Variants in CSMD3 observed in about 807,000 individuals in gnomAD.
CSMD3 encodes CUB and Sushi multiple domains 3.
A neutral mutation model predicts 435.2 loss-of-function variants in CSMD3; 177 were observed. The observed-to-expected ratio is 0.41, with a 90% CI of 0.36 to 0.46. The LOEUF (loss-of-function observed/expected upper bound fraction) is 0.46, where lower values mean the gene tolerates loss of function less well. Among genes scored for constraint, CSMD3 ranks in the 20% least tolerant of loss-of-function variants. The pLI, the probability that CSMD3 is intolerant of heterozygous loss-of-function variation, is 0.34. For missense variants in CSMD3, 4,265 were observed against 4,504.6 expected (o/e 0.95, Z 1.52); for synonymous variants, 1,656 against 1,520.5 (o/e 1.09, Z -2.07).
intron 31 of CSMD3, among the ~76,000 whole-genome samples, chr8:112,485,485 A>G (rs1820035924): frequency 6.6e-6 from 1 of 152,134 alleles, no homozygotes; most frequent in African/African-American, 2.4e-5. Context: ...TGCATTGATA[A>G]TGGAATGAGA....
chr8:113,056,476 T>G (rs140796507), intron 5 of CSMD3, among the ~76,000 whole-genome samples: 1 of 152,242 alleles, frequency 6.6e-6, no homozygotes, highest in Non-Finnish European at 1.5e-5. Flanking sequence ...GTTTCTAATA[T>G]GTATCTCAAA....
Position 112,395,831 on chromosome 8 carries a change from A to G in CSMD3, c.5810-5043T>C, listed in dbSNP as rs74697985. 2.0e-3 allele frequency among the ~76,000 whole-genome samples: 297 copies of G among 152,306 alleles called. 1 individual carries two copies. Among genetic ancestry groups the G allele is most frequent in the African/African-American group, 6.7e-3 (277 of 41,574 alleles). On this transcript the variant is annotated intron_variant, in intron 35 of 70. Transcript: ENST00000297405. ...TGTAACAAGGTCAAATTTGGAAGAT[A>G]AAAACTCAGTCTTCAGCATAAGTTT...
At chr8:112,552,771 A>C in intron 25 of CSMD3, 51 bp from the exon 26 acceptor site, 1 of 1,549,504 alleles carries the variant, frequency 6.5e-7, no homozygotes, top group Non-Finnish European at 8.9e-7. Flanking sequence ...CAATCTTTTC[A>C]AAACAATCTA....
At chr8:112,442,742 G>T (rs1317355657) in intron 32 of CSMD3, among the ~76,000 whole-genome samples, 1 of 152,130 alleles carries the variant, frequency 6.6e-6, no homozygotes, top group Non-Finnish European at 1.5e-5. Flanking sequence ...GAGCAGAAAT[G>T]ATTGGTAAAA....
intron 45 of CSMD3, among the ~76,000 whole-genome samples, chr8:112,324,760 G>A (rs1386955489): frequency 8.6e-5 from 13 of 152,034 alleles, no homozygotes; most frequent in Admixed American, 8.5e-4. Flanking sequence ...TTAAGTTGGA[G>A]GGGAATGTGG....
intron 32 of CSMD3, among the ~76,000 whole-genome samples, chr8:112,436,171 T>C (rs557128728): frequency 4.6e-5 from 7 of 151,926 alleles, no homozygotes; most frequent in Non-Finnish European, 1.0e-4. Context: ...CTAAGAAATC[T>C]AAATTTTAAT....
chr8:112,483,576 C>G (rs1819836737), intron 31 of CSMD3, among the ~76,000 whole-genome samples: 1 of 152,078 alleles, frequency 6.6e-6, no homozygotes, highest in Non-Finnish European at 1.5e-5. Context: ...GAAATACAAA[C>G]TTGAACTGGA....
At chr8:113,202,720 T>G (rs1275933392) in intron 3 of CSMD3, among the ~76,000 whole-genome samples, 2 of 152,140 alleles carry the variant, frequency 1.3e-5, no homozygotes, top group Non-Finnish European at 2.9e-5. Flanking sequence ...ATGAATTATC[T>G]TTGGTTCAAA....
intron 28 of CSMD3, among the ~76,000 whole-genome samples, chr8:112,512,456 A>G (rs936072878): frequency 2.0e-5 from 3 of 152,200 alleles, no homozygotes; most frequent in African/African-American, 4.8e-5. Flanking sequence ...TTGAACAAGC[A>G]ATGGGTACAT....
chr8:113,146,850 G>C (rs1199727313), intron 4 of CSMD3, among the ~76,000 whole-genome samples: 1 of 151,484 alleles, frequency 6.6e-6, no homozygotes, highest in African/African-American at 2.4e-5. Context: ...GAAATACTGA[G>C]GTATAAGGAA....
chr8:112,911,042 C>T (rs904926385), intron 10 of CSMD3, among the ~76,000 whole-genome samples: 2 of 151,852 alleles, frequency 1.3e-5, no homozygotes, highest in Non-Finnish European at 2.9e-5. Flanking sequence ...CTTTCACAGG[C>T]TCAACTTCAT....
intron 4 of CSMD3, among the ~76,000 whole-genome samples, chr8:113,133,763 C>T (rs934972944): frequency 6.6e-6 from 1 of 151,924 alleles, no homozygotes; most frequent in Admixed American, 6.6e-5. Context: ...AGGAAGAAAA[C>T]CTTATCTCAC....
intron 10 of CSMD3, among the ~76,000 whole-genome samples, chr8:112,901,301 A>G (rs2082103381): frequency 6.6e-6 from 1 of 151,394 alleles, no homozygotes; most frequent in Non-Finnish European, 1.5e-5. Flanking sequence ...TAAATACAAC[A>G]TTAAAAGATC....
chr8:113,249,122 C>T (rs1018414159), intron 3 of CSMD3, among the ~76,000 whole-genome samples: 1 of 151,894 alleles, frequency 6.6e-6, no homozygotes, highest in African/African-American at 2.4e-5. Context: ...TGGGGAATTC[C>T]CCTGCACAAC....
intron 3 of CSMD3, among the ~76,000 whole-genome samples, chr8:113,199,732 T>G (rs1027732438): frequency 1.2e-4 from 18 of 151,716 alleles, no homozygotes; most frequent in African/African-American, 3.1e-4. Context: ...GGTGAATGAT[T>G]TTTTCCCATT....
chr8:113,387,344 C>T (rs1022786488), intron 1 of CSMD3, among the ~76,000 whole-genome samples: 1 of 151,664 alleles, frequency 6.6e-6, no homozygotes, highest in South Asian at 2.1e-4. Context: ...ATGACTTTTA[C>T]GAATACAGCA....
intron 4 of CSMD3, among the ~76,000 whole-genome samples, chr8:113,150,162 C>T (rs1478116648): frequency 6.6e-6 from 1 of 151,968 alleles, no homozygotes; most frequent in Non-Finnish European, 1.5e-5. Context: ...GTATAATCCA[C>T]TCCTTGAGTG....
At chr8:112,457,072 C>T (rs2130646179) in intron 32 of CSMD3, among the ~76,000 whole-genome samples, 1 of 152,070 alleles carries the variant, frequency 6.6e-6, no homozygotes, top group East Asian at 1.9e-4. Flanking sequence ...CTCCCTCTAC[C>T]CACAGAACCT....
At chr8:113,075,456 A>C (rs1380832411) in intron 5 of CSMD3, among the ~76,000 whole-genome samples, 1 of 151,840 alleles carries the variant, frequency 6.6e-6, no homozygotes, top group Non-Finnish European at 1.5e-5. Flanking sequence ...GATCCTTCTT[A>C]CATTACCTAT....
Sources: allele counts gnomAD v4.1 joint callset (sites outside exome capture counted in the v4.1 genomes callset), GRCh38; gene constraint gnomAD v4.1.1; transcripts MANE v1.5; gene names NCBI Gene and HGNC (gene_info 2026-07-23, HGNC 2026-07-21).